Variants in CCDC14 observed in about 807,000 individuals in gnomAD.
The protein encoded by CCDC14 is coiled-coil domain-containing protein 14.
CCDC14 carries 71 observed loss-of-function variants against 81.4 expected under a neutral mutation model. That is an observed-to-expected ratio of 0.87 (90% CI 0.72 to 1.06). CCDC14 has a LOEUF of 1.06. CCDC14 is among the 50% of genes least tolerant of loss of function. The probability of loss-of-function intolerance (pLI) is 0.00; values close to 1 mark genes in which losing one functional copy is unlikely to be tolerated. For missense variants in CCDC14, 1,046 were observed against 1,047.3 expected, an observed-to-expected ratio of 1.00 and a Z score of 0.02; for synonymous variants, 332 against 364.8, an observed-to-expected ratio of 0.91 and a Z score of 1.03.
chr3:123,939,045 T>C (rs1211671618), intron 9 of CCDC14, among the ~76,000 whole-genome samples: 16 of 152,000 alleles, frequency 1.1e-4, no homozygotes, highest in Admixed American at 9.8e-4. Context: ...ACCTTTTGGT[T>C]GACTGGACTT....
Position 123,949,134 on chromosome 3 carries a change from T to C in CCDC14, c.353-2A>G. 1 of 1,556,544 alleles carries C rather than the reference T, an allele frequency of 6.4e-7. No homozygotes were observed. The highest frequency in any genetic ancestry group is 1.4e-5 in the African/African-American group (1 of 73,756). ...TCTGTTTCTTATTATCTGAAGATGC[T>C]AATGTGGAAGAAGAAAAAAGTTCTT... On this transcript the variant is annotated splice_acceptor_variant, in intron 5 of 12. Coordinates refer to ENST00000409697, the MANE Select transcript of CCDC14 (RefSeq NM_001366335.1). LOFTEE classifies it high-confidence loss of function.
At chr3:123,960,663 G>T (rs2037627258) in intron 1 of CCDC14, among the ~76,000 whole-genome samples, 1 of 152,182 alleles carries the variant, frequency 6.6e-6, no homozygotes, top group East Asian at 1.9e-4. Flanking sequence ...GTGTTTTAAA[G>T]GGAACTAAAT....
intron 9 of CCDC14, among the ~76,000 whole-genome samples, chr3:123,934,572 G>A (rs376884585): frequency 6.6e-6 from 1 of 152,116 alleles, no homozygotes; most frequent in South Asian, 2.1e-4. Flanking sequence ...AGATGGAAAA[G>A]TTAATGGTCT....
At chr3:123,946,687 G>T in intron 8 of CCDC14, 116 bp downstream of exon 8, 2 of 1,035,800 alleles carry the variant, frequency 1.9e-6, no homozygotes, top group Non-Finnish European at 2.8e-6. Context: ...TTTCTTATTA[G>T]CTCAAAACAC....
intron 9 of CCDC14, among the ~76,000 whole-genome samples, chr3:123,934,616 G>A (rs2035956281): frequency 6.6e-6 from 1 of 152,206 alleles, no homozygotes; most frequent in South Asian, 2.1e-4. Flanking sequence ...CTACAAATCT[G>A]CCCTGTTACA....
chr3:123,946,862 T>C lies in CCDC14; in HGVS notation c.1142A>G (p.Glu381Gly), dbSNP rs2036652675. The change falls in exon 8 of 13, where the codon GAA (glutamate) becomes GGA (glycine). Residue 381 changes from glutamate to glycine, a missense_variant. Physicochemically the swap from Glu to Gly is moderately conservative, Grantham distance 98 (BLOSUM62 -2). Transcript: ENST00000409697. ...QKAKNVNKTA[E>G]KVRIIKYLLG... ...CAAATATTTTATAATTCTAACTTTT[T>C]CAGCTGTCTTGTTCACATTTTTTGC... 1 of 1,613,972 alleles carries C rather than the reference T, an allele frequency of 6.2e-7. No homozygotes were observed. Among genetic ancestry groups the C allele is most frequent in the East Asian group, 2.2e-5 (1 of 44,882 alleles).
At chr3:123,915,996 CT>C (rs55792519) in intron 12 of CCDC14, among the ~76,000 whole-genome samples, 5,629 of 139,394 alleles carry the variant, frequency 0.04, 323 homozygotes, top group African/African-American at 0.14. Flanking sequence ...ATGTTTTACT[CT>C]TTTTTTTTTT....
chr3:123,950,807 T>A (rs2036970652), intron 5 of CCDC14, among the ~76,000 whole-genome samples: 1 of 151,978 alleles, frequency 6.6e-6, no homozygotes, highest in South Asian at 2.1e-4. Context: ...AAAAACAAAA[T>A]AATTAAAAAT....
At chr3:123,945,153 C>T (rs1047538168) in intron 8 of CCDC14, among the ~76,000 whole-genome samples, 163 bp from the exon 9 acceptor site, 7 of 151,950 alleles carry the variant, frequency 4.6e-5, no homozygotes, top group African/African-American at 1.7e-4. Flanking sequence ...TTTTCTCTTT[C>T]ATGCTGCTGG....
Position 123,956,032 on chromosome 3 carries a change from T to TAAA in CCDC14, c.229+11_229+13dup. The TAAA allele has an allele frequency of 1.7e-6, 2 of 1,190,692 alleles. No homozygotes were observed. Among genetic ancestry groups the TAAA allele is most frequent in the Non-Finnish European group, 2.3e-6 (2 of 872,676 alleles). The allele number at this position is 1,190,692 out of a possible 1,614,324, so 73.8% of individuals were successfully genotyped here. A position where few individuals can be genotyped will look rare whatever the true frequency, so the allele number is the denominator to read the frequency against. ...TGAGATAAGGTGATCAGCAAAGAATTAAAAAAAAAAAACCTGAATCTTCAT... is the reference window on the plus strand; with the variant it reads ...TGAGATAAGGTGATCAGCAAAGAATTAAAAAAAAAAAAAAACCTGAATCTTCAT... On this transcript the variant is annotated intron_variant, in intron 4 of 12. Coordinates refer to ENST00000409697, the MANE Select transcript of CCDC14 (RefSeq NM_001366335.1).
intron 9 of CCDC14, among the ~76,000 whole-genome samples, chr3:123,941,037 T>A: frequency 6.6e-6 from 1 of 152,238 alleles, no homozygotes; most frequent in South Asian, 2.1e-4. Flanking sequence ...TTCATTTTTA[T>A]GTTCTGTGTG....
In CCDC14 at chr3:123,922,134, A is replaced by G. The variant is rs189338406; in HGVS notation, c.1779-6416T>C. On this transcript the variant is annotated intron_variant, in intron 12 of 12. Transcript: ENST00000409697. Reference sequence around the variant, plus strand: ...CATGCTGCTGAACAACCAATGAGACAAAGAAGAAATTAAAAGGGTAATAAA... The same window carrying G: ...CATGCTGCTGAACAACCAATGAGACGAAGAAGAAATTAAAAGGGTAATAAA... Among the ~76,000 whole-genome samples the G allele has an allele frequency of 1.7e-4, 26 of 152,350 alleles. 1 individual carries two copies. The highest frequency in any genetic ancestry group is 1.5e-3 in the Admixed American group (23 of 15,294).
intron 5 of CCDC14, among the ~76,000 whole-genome samples, chr3:123,897,775 T>C (rs1021895507): frequency 6.6e-6 from 1 of 152,134 alleles, no homozygotes; most frequent in African/African-American, 2.4e-5. Context: ...CTAAAAACAC[T>C]GTAGAAGTTT....
chr3:123,910,996 T>C (rs1276928076), downstream of CCDC14, among the ~76,000 whole-genome samples: 1 of 152,012 alleles, frequency 6.6e-6, no homozygotes, highest in Non-Finnish European at 1.5e-5. Flanking sequence ...GGTACAGAAG[T>C]AGTACTGTGG....
intron 5 of CCDC14, chr3:123,897,630 G>T: frequency 1.8e-6 from 2 of 1,122,566 alleles, no homozygotes; most frequent in Non-Finnish European, 2.3e-6. Flanking sequence ...GAATAGAAAT[G>T]ACAACATAAA....
At chr3:123,943,837 A>G (rs1032895432) in intron 9 of CCDC14, among the ~76,000 whole-genome samples, 1 of 152,146 alleles carries the variant, frequency 6.6e-6, no homozygotes, top group Non-Finnish European at 1.5e-5. Flanking sequence ...CCCTTTCTCC[A>G]ATACCTTGCC....
chr3:123,929,785 C>T (rs1268190354), intron 12 of CCDC14, among the ~76,000 whole-genome samples: 1 of 152,216 alleles, frequency 6.6e-6, no homozygotes, highest in Non-Finnish European at 1.5e-5. Context: ...CAGCCCCTGG[C>T]AACTACTAAT....
chr3:123,937,212 T>C lies in CCDC14; in HGVS notation c.1344-3457A>G, dbSNP rs111850757. ...TTCTCTTAAATATCTAGGAGTGGAC[T>C]GGCTGGATCATATGTTAGATATATG... On this transcript the variant is annotated intron_variant, in intron 9 of 12. Transcript: ENST00000409697. 2.6e-3 allele frequency among the ~76,000 whole-genome samples: 392 copies of C among 152,200 alleles called. 2 individuals are homozygous for C. The highest frequency in any genetic ancestry group is 9.2e-3 in the African/African-American group (381 of 41,562).
intron 7 of CCDC14, 118 bp downstream of exon 7, chr3:123,948,573 A>G (rs1199089342): frequency 1.2e-6 from 1 of 858,288 alleles, no homozygotes; most frequent in Admixed American, 3.4e-5. Context: ...GCAAAAAAAA[A>G]TAAACAACTG....
Sources: gnomAD v4.1 joint callset for allele counts (sites outside exome capture counted in the v4.1 genomes callset) on GRCh38, gnomAD v4.1.1 for gene constraint, MANE v1.5 for transcripts, NCBI Gene and HGNC (gene_info 2026-07-23, HGNC 2026-07-21) for gene names.